The following SYN2 variants were observed in gnomAD, a reference collection of about 807,000 sequenced individuals.
SYN2 encodes the protein synapsin-2.
A neutral mutation model predicts 50.9 loss-of-function variants in SYN2; 19 were observed. The ratio of observed to expected loss-of-function variants is 0.37; its 90% CI spans 0.26 to 0.55. The LOEUF is 0.55. SYN2 is among the 20% of genes least tolerant of loss of function. The pLI is 0.81. For synonymous variants in SYN2, 255 were observed against 224.9 expected (o/e 1.13, Z -1.20); for missense variants, 587 against 576.4 (o/e 1.02, Z -0.19).
intron 12 of SYN2, among the ~76,000 whole-genome samples, chr3:12,188,291 C>A (rs1698384929): frequency 6.6e-6 from 1 of 152,244 alleles, no homozygotes; most frequent in African/African-American, 2.4e-5. Context: ...CAGACCCCTG[C>A]AAGCAGCAGA....
intron 1 of SYN2, among the ~76,000 whole-genome samples, chr3:12,064,806 A>C (rs1695176788): frequency 6.6e-6 from 1 of 152,080 alleles, no homozygotes; most frequent in Non-Finnish European, 1.5e-5. Context: ...ACTTGGAAAA[A>C]CAGTTTGTCA....
chr3:12,167,181 C>G, intron 7 of SYN2, 53 bp from the exon 8 acceptor site: 1 of 1,576,008 alleles, frequency 6.3e-7, no homozygotes, highest in Non-Finnish European at 8.7e-7. Flanking sequence ...GCATGCCCTC[C>G]TCTTGCTGGT....
In SYN2 at chr3:12,168,343, C is replaced by G. The variant is rs1248778502; in HGVS notation, c.1056-33C>G. 3 of 1,588,816 alleles carry G rather than the reference C, an allele frequency of 1.9e-6. No individual in the cohort carries two copies. In the Admixed American group the frequency reaches 5.1e-5, roughly 27 times the overall value. On this transcript the variant is annotated intron_variant, in intron 8 of 12. Coordinates refer to ENST00000621198, the MANE Select transcript of SYN2 (RefSeq NM_133625.6). ...GCAAGCTTTGTGGTGAGCGAATTGC[C>G]CCAGCTTCAGGACACCTTCCCATCA...
At chr3:12,113,401 T>G (rs1391354163) in intron 1 of SYN2, among the ~76,000 whole-genome samples, 1 of 152,170 alleles carries the variant, frequency 6.6e-6, no homozygotes, top group Non-Finnish European at 1.5e-5. Flanking sequence ...TGAGTAAAAG[T>G]TATGCTTCGA....
intron 10 of SYN2, among the ~76,000 whole-genome samples, chr3:12,179,677 G>C (rs1044064811): frequency 1.3e-5 from 2 of 152,206 alleles, no homozygotes; most frequent in African/African-American, 4.8e-5. Context: ...AGTCACATGT[G>C]TAAAGTTGTC....
intron 1 of SYN2, among the ~76,000 whole-genome samples, chr3:12,087,975 A>G (rs1559414744): frequency 1.3e-5 from 2 of 152,150 alleles, no homozygotes; most frequent in South Asian, 2.1e-4. Context: ...TAAAACTCCT[A>G]AAAGAAAGCA....
intron 1 of SYN2, among the ~76,000 whole-genome samples, chr3:12,080,335 C>T (rs1695560017): frequency 6.6e-6 from 1 of 150,566 alleles, no homozygotes; most frequent in Non-Finnish European, 1.5e-5. Context: ...TATTTCTTGT[C>T]TTCTGCTAGC....
In SYN2 at chr3:12,174,983, T is replaced by C. The variant is rs188825879; in HGVS notation, c.1308+5077T>C. ...GAGTACAGACTTGTTTATGGCTATA[T>C]CTCTAGGGCCACTGTATCTAGCACC... On this transcript the variant is annotated intron_variant, in intron 10 of 12. Transcript: ENST00000621198. Among the ~76,000 whole-genome samples the C allele has an allele frequency of 1.1e-4, 17 of 152,244 alleles. No homozygotes were observed. In the East Asian group the frequency reaches 3.3e-3, roughly 29 times the overall value.
intron 4 of SYN2, among the ~76,000 whole-genome samples, chr3:12,149,905 T>C (rs947299990): frequency 1.3e-5 from 2 of 152,138 alleles, no homozygotes; most frequent in African/African-American, 4.8e-5. Context: ...TGGTACAAAG[T>C]TTGAGGAACT....
intron 4 of SYN2, among the ~76,000 whole-genome samples, chr3:12,147,532 C>T (rs1219279216): frequency 6.6e-6 from 1 of 152,082 alleles, no homozygotes; most frequent in Admixed American, 6.5e-5. Flanking sequence ...AGACCTTTAC[C>T]AAGTGTCTTT....
At chr3:12,027,939 T>G (rs1694297276) in intron 1 of SYN2, among the ~76,000 whole-genome samples, 1 of 110,022 alleles carries the variant, frequency 9.1e-6, no homozygotes, top group South Asian at 4.3e-4. Flanking sequence ...AGGAAAGAGG[T>G]TATAAGTAAT....
chr3:12,138,233 G>A (rs1030078067), intron 1 of SYN2, among the ~76,000 whole-genome samples: 1 of 152,202 alleles, frequency 6.6e-6, no homozygotes, highest in African/African-American at 2.4e-5. Context: ...TTTCTATAAG[G>A]TTGTGGCTCA....
At chr3:12,097,537 C>T (rs1396899708) in intron 1 of SYN2, among the ~76,000 whole-genome samples, 4 of 150,480 alleles carry the variant, frequency 2.7e-5, no homozygotes, top group South Asian at 2.1e-4. Flanking sequence ...ACCCACAAGG[C>T]GGAGCTTGCA....
intron 1 of SYN2, among the ~76,000 whole-genome samples, chr3:12,054,065 G>A (rs1694935603): frequency 6.6e-6 from 1 of 152,110 alleles, no homozygotes. Flanking sequence ...GCAAGGTAAT[G>A]CCTTATCACA....
intron 1 of SYN2, among the ~76,000 whole-genome samples, chr3:12,130,884 A>G (rs1281575905): frequency 6.6e-6 from 1 of 152,240 alleles, no homozygotes; most frequent in Non-Finnish European, 1.5e-5. Flanking sequence ...AGGCTTCCAG[A>G]AGGAGGAGAA....
intron 1 of SYN2, among the ~76,000 whole-genome samples, chr3:12,090,782 C>G (rs1350070198): frequency 6.6e-6 from 1 of 152,028 alleles, no homozygotes; most frequent in Non-Finnish European, 1.5e-5. Context: ...GACAGACTGG[C>G]TAGGGAGTGA....
intron 1 of SYN2, among the ~76,000 whole-genome samples, chr3:12,080,239 A>G (rs932129341): frequency 6.6e-6 from 1 of 151,720 alleles, no homozygotes; most frequent in African/African-American, 2.4e-5. Flanking sequence ...AATTTTTTCA[A>G]AACAACAGCT....
intron 1 of SYN2, among the ~76,000 whole-genome samples, chr3:12,015,855 T>C (rs1694019629): frequency 6.6e-6 from 1 of 152,208 alleles, no homozygotes; most frequent in South Asian, 2.1e-4. Context: ...CTAGGACTGT[T>C]CTTCCATTCC....
At chr3:12,059,050 T>C (rs924512596) in intron 1 of SYN2, among the ~76,000 whole-genome samples, 3 of 152,192 alleles carry the variant, frequency 2.0e-5, no homozygotes, top group East Asian at 1.9e-4. Context: ...AGTTCTGTTA[T>C]AGAACTGAAC....
Sources: gnomAD v4.1 joint callset for allele counts (sites outside exome capture counted in the v4.1 genomes callset) on GRCh38, gnomAD v4.1.1 for gene constraint, MANE v1.5 for transcripts, NCBI Gene and HGNC (gene_info 2026-07-23, HGNC 2026-07-21) for gene names.